The following PNO1 variants were observed in gnomAD, a reference collection of about 807,000 sequenced individuals.
PNO1 encodes the protein partner of NOB1 homolog.
PNO1 carries 16 observed loss-of-function variants against 28.4 expected under a neutral mutation model. That is an observed-to-expected ratio of 0.56 (90% CI 0.38 to 0.85). The LOEUF (loss-of-function observed/expected upper bound fraction) is 0.85, where lower values mean the gene tolerates loss of function less well. Among genes scored for constraint, PNO1 ranks in the 40% least tolerant of loss-of-function variants. The pLI is 0.00. For synonymous variants in PNO1, 115 were observed against 110.8 expected (o/e 1.04, Z -0.24); for missense variants, 304 against 312.2 (o/e 0.97, Z 0.20).
chr2:68,166,725 G>A (rs935085476), intron 5 of PNO1, among the ~76,000 whole-genome samples: 4 of 152,294 alleles, frequency 2.6e-5, no homozygotes, highest in Admixed American at 2.6e-4. Flanking sequence ...CATAAAAGAC[G>A]TCAAAAGCAT....
In PNO1 at chr2:68,175,604, C is replaced by T. The variant is rs1674257707; in HGVS notation, c.*802C>T. 6.6e-6 allele frequency: 1 copy of T among 152,146 alleles called. No homozygotes were observed. The highest frequency in any genetic ancestry group is 2.1e-4 in the South Asian group (1 of 4,834). The allele number at this position is 152,146 out of a possible 1,614,324, so 9.4% of individuals were successfully genotyped here. ...AGAGGTCATAAGCAGTGGTTTTGGC[C>T]ATACCGTATTATACCATATACATCA... On this transcript the variant is annotated 3_prime_UTR_variant, in exon 7 of 7. Coordinates refer to ENST00000263657, the MANE Select transcript of PNO1 (RefSeq NM_020143.4).
In PNO1 at chr2:68,175,088, T is replaced by A. The variant is rs1674240137; in HGVS notation, c.*286T>A. 3.7e-6 allele frequency: 1 copy of A among 266,838 alleles called. No individual in the cohort carries two copies. Among genetic ancestry groups the A allele is most frequent in the Non-Finnish European group, 7.0e-6 (1 of 142,382 alleles). The allele number at this position is 266,838 out of a possible 1,614,324, so 16.5% of individuals were successfully genotyped here. ...TAGCAGATTGCATAGTCTGTAATCC[T>A]CTCAGAGGGAAACTTCTTGTTTAAA... On this transcript the variant is annotated 3_prime_UTR_variant, in exon 7 of 7. Transcript: ENST00000263657.
chr2:68,163,166 A>T (rs1673881940), intron 5 of PNO1, among the ~76,000 whole-genome samples: 1 of 152,212 alleles, frequency 6.6e-6, no homozygotes, highest in Non-Finnish European at 1.5e-5. Flanking sequence ...AAAATTTAAG[A>T]AATTATATAT....
chr2:68,173,197 TG>T, intron 5 of PNO1, 149 bp from the exon 6 acceptor site: 1 of 553,438 alleles, frequency 1.8e-6, no homozygotes, highest in Non-Finnish European at 3.2e-6. Context: ...TGAATTTTTT[TG>T]TAGAGATGGC....
At chr2:68,161,585 A>G (rs1673832181) in intron 2 of PNO1, 98 bp from the exon 3 acceptor site, 2 of 776,536 alleles carry the variant, frequency 2.6e-6, no homozygotes, top group Admixed American at 2.1e-5. Context: ...GGTGAAGGAA[A>G]TTCTCCAATA....
At chr2:68,161,387 G>C (rs752233845) in intron 2 of PNO1, 222 of 462,330 alleles carry the variant, frequency 4.8e-4, no homozygotes, top group Non-Finnish European at 8.1e-4. Flanking sequence ...GAATGGGAGA[G>C]ATTGGGTTGT....
intron 2 of PNO1, among the ~76,000 whole-genome samples, chr2:68,160,650 A>G (rs576543401): frequency 1.3e-5 from 2 of 152,378 alleles, no homozygotes; most frequent in South Asian, 2.1e-4. Context: ...GGATATTCCC[A>G]TCTTAAAGAT....
chr2:68,169,939 C>T (rs1213393060), intron 5 of PNO1, among the ~76,000 whole-genome samples: 1 of 152,164 alleles, frequency 6.6e-6, no homozygotes, highest in Non-Finnish European at 1.5e-5. Flanking sequence ...TATCCAGTCA[C>T]AGTAGATGGA....
At chr2:68,165,742 G>C (rs957854786) in intron 5 of PNO1, among the ~76,000 whole-genome samples, 3 of 152,016 alleles carry the variant, frequency 2.0e-5, no homozygotes, top group Admixed American at 6.6e-5. Context: ...TATATAGTCT[G>C]TCATTAAGTT....
chr2:68,164,153 G>A (rs778587563), intron 5 of PNO1, among the ~76,000 whole-genome samples: 7 of 152,116 alleles, frequency 4.6e-5, no homozygotes, highest in African/African-American at 7.2e-5. Flanking sequence ...ATGGAGCCTT[G>A]GGAGAAGCTA....
intron 2 of PNO1, among the ~76,000 whole-genome samples, chr2:68,160,022 G>A (rs924920921): frequency 7.0e-6 from 1 of 143,850 alleles, no homozygotes; most frequent in South Asian, 2.2e-4. Flanking sequence ...AGGCTGGAGT[G>A]CAGTGTCGCA....
At chr2:68,172,746 C>T (rs1367020277) in intron 5 of PNO1, among the ~76,000 whole-genome samples, 1 of 152,306 alleles carries the variant, frequency 6.6e-6, no homozygotes, top group East Asian at 1.9e-4. Flanking sequence ...CTTCTCTCCT[C>T]ATCCGTAAAA....
chr2:68,167,888 A>C (rs1300512281), intron 5 of PNO1, among the ~76,000 whole-genome samples: 1 of 152,146 alleles, frequency 6.6e-6, no homozygotes, highest in East Asian at 1.9e-4. Flanking sequence ...TAATGACTTA[A>C]TTTTTTTCTC....
At position 68,158,074 on chromosome 2, in the gene PNO1, T is replaced by G. The variant is rs1673713221; in HGVS notation, c.140T>G (p.Met47Arg). The change falls in exon 1 of 7, where the codon ATG (methionine) becomes AGG (arginine). Residue 47 changes from methionine (M) to arginine (R), a missense_variant. Transcript: ENST00000263657. ...GGAGAGGGCGGGGATGCGGGCCGCATGGACACAGAGGAGGCCAGGCCGGCG... is the reference window on the plus strand; with the variant it reads ...GGAGAGGGCGGGGATGCGGGCCGCAGGGACACAGAGGAGGCCAGGCCGGCG... ...AAGEGGDAGR[M>R]DTEEARPAKR... The G allele has an allele frequency of 9.3e-6, 15 of 1,613,670 alleles. No individual in the cohort carries two copies. The highest frequency in any genetic ancestry group is 1.3e-5 in the Non-Finnish European group (15 of 1,179,932).
At chr2:68,168,588 A>G (rs188695886) in intron 5 of PNO1, among the ~76,000 whole-genome samples, 1 of 152,366 alleles carries the variant, frequency 6.6e-6, no homozygotes, top group Non-Finnish European at 1.5e-5. Context: ...TGTGGCAATT[A>G]GAATGTCATT....
At position 68,173,343 on chromosome 2, in the gene PNO1, T is replaced by C. The variant is rs1354921974; in HGVS notation, c.621-4T>C. The C allele has an allele frequency of 1.3e-6, 2 of 1,582,134 alleles. No homozygotes were observed. Among genetic ancestry groups the C allele is most frequent in the South Asian group, 1.1e-5 (1 of 90,312 alleles). On this transcript the variant is annotated splice_polypyrimidine_tract_variant and splice_region_variant and intron_variant, in intron 5 of 6. Coordinates refer to ENST00000263657, the MANE Select transcript of PNO1 (RefSeq NM_020143.4). The stretch of plus-strand genomic sequence containing the variant: ...ACTAATTTGTCTCATTTTATTTCTT[T>C]CAGGAAAGTTCACATCCTTGGCTCC...
intron 5 of PNO1, among the ~76,000 whole-genome samples, chr2:68,171,262 G>A (rs1256852755): frequency 6.6e-6 from 1 of 152,188 alleles, no homozygotes; most frequent in African/African-American, 2.4e-5. Context: ...GTATTCGAAT[G>A]CATCTAATAT....
intron 6 of PNO1, among the ~76,000 whole-genome samples, chr2:68,174,145 G>C (rs552337960): frequency 1.3e-5 from 2 of 152,130 alleles, no homozygotes; most frequent in Non-Finnish European, 2.9e-5. Flanking sequence ...GGATCTTAGC[G>C]GCTTGCTCAG....
intron 5 of PNO1, among the ~76,000 whole-genome samples, chr2:68,169,938 A>T (rs1275468612): frequency 6.6e-6 from 1 of 152,230 alleles, no homozygotes; most frequent in Non-Finnish European, 1.5e-5. Flanking sequence ...TTATCCAGTC[A>T]CAGTAGATGG....
Sources: gnomAD v4.1 joint callset for allele counts (sites outside exome capture counted in the v4.1 genomes callset) on GRCh38, gnomAD v4.1.1 for gene constraint, MANE v1.5 for transcripts, NCBI Gene and HGNC (gene_info 2026-07-23, HGNC 2026-07-21) for gene names.